The following KHDRBS3 variants were observed in gnomAD, a reference collection of about 807,000 sequenced individuals.
KHDRBS3 encodes KH domain-containing, RNA-binding, signal transduction-associated protein 3.
KHDRBS3 carries 23 observed loss-of-function variants against 45.6 expected under a neutral mutation model. That is an observed-to-expected ratio of 0.50 (90% CI 0.36 to 0.72). The LOEUF (loss-of-function observed/expected upper bound fraction) is 0.72. KHDRBS3 is among the 30% of genes least tolerant of loss of function. The pLI, the probability that KHDRBS3 is intolerant of heterozygous loss-of-function variation, is 0.00. For missense variants in KHDRBS3, 352 were observed against 424.8 expected, an observed-to-expected ratio of 0.83 and a Z score of 1.51; for synonymous variants, 162 against 156.5, an observed-to-expected ratio of 1.04 and a Z score of -0.26.
At chr8:135,520,090 C>T (rs1415131647) in intron 1 of KHDRBS3, among the ~76,000 whole-genome samples, 8 of 152,198 alleles carry the variant, frequency 5.3e-5, no homozygotes, top group Non-Finnish European at 1.0e-4. Flanking sequence ...CTTTGAACCT[C>T]CTCTTTGTCA....
chr8:135,595,603 C>G (rs1828938311), intron 6 of KHDRBS3, among the ~76,000 whole-genome samples: 1 of 152,112 alleles, frequency 6.6e-6, no homozygotes, highest in Non-Finnish European at 1.5e-5. Flanking sequence ...TAACATTTTC[C>G]CTGTATAGAA....
chr8:135,483,377 AT>A (rs913474872), intron 1 of KHDRBS3, among the ~76,000 whole-genome samples: 2 of 152,164 alleles, frequency 1.3e-5, no homozygotes, highest in Non-Finnish European at 2.9e-5. Flanking sequence ...TTCTGCTGCC[AT>A]TAGTGGTTTG....
chr8:135,614,916 G>A (rs1829855699), intron 7 of KHDRBS3, among the ~76,000 whole-genome samples: 2 of 151,840 alleles, frequency 1.3e-5, no homozygotes, highest in Admixed American at 1.3e-4. Context: ...GCATTGGCAA[G>A]TGGGAATTCG....
At chr8:135,553,629 T>G (rs1258885908) in intron 4 of KHDRBS3, among the ~76,000 whole-genome samples, 2 of 152,202 alleles carry the variant, frequency 1.3e-5, no homozygotes, top group African/African-American at 4.8e-5. Flanking sequence ...ATTGGCCTAT[T>G]TTGGCAAATA....
intron 6 of KHDRBS3, among the ~76,000 whole-genome samples, chr8:135,591,738 G>A (rs533726836): frequency 6.6e-6 from 1 of 152,238 alleles, no homozygotes; most frequent in South Asian, 2.1e-4. Flanking sequence ...TTTTATTTAA[G>A]GACTCAGTGA....
chr8:135,545,001 AAACTGTCT>A lies in KHDRBS3; in HGVS notation c.324+2234_324+2241del, dbSNP rs1475238910. The stretch of plus-strand genomic sequence containing the variant: ...GTCAGAATCAGTTCTGTTAATTCTC[AAACTGTCT>A]AAGTGTTTCCTCTGCTCGGTGTAAA... On this transcript the variant is annotated intron_variant, in intron 3 of 8. Transcript: ENST00000355849. Among the ~76,000 whole-genome samples, 4 of 152,104 alleles carry A rather than the reference AAACTGTCT, an allele frequency of 2.6e-5. No individual in the cohort carries two copies. In the South Asian group the frequency reaches 6.2e-4, roughly 24 times the overall value.
Position 135,647,009 on chromosome 8 carries a change from T to C in KHDRBS3, c.966T>C (p.Thr322=). The part of the protein sequence containing the change: ...TYDSYGQEEW[T]NSRHKAPSAR... ...TGATTGTAGGGCAAGAAGAGTGGAC[T>C]AACTCAAGACACAAGGCACCTTCAG... The change falls in exon 9 of 9, where the codon ACT becomes ACC. Residue 322 remains threonine (T), a synonymous_variant. Coordinates refer to ENST00000355849, the MANE Select transcript of KHDRBS3 (RefSeq NM_006558.3). 6.3e-7 allele frequency: 1 copy of C among 1,597,920 alleles called. No homozygotes were observed. The highest frequency in any genetic ancestry group is 8.6e-7 in the Non-Finnish European group (1 of 1,165,258).
chr8:135,623,357 C>T (rs1302646460), intron 7 of KHDRBS3, among the ~76,000 whole-genome samples: 1 of 152,152 alleles, frequency 6.6e-6, no homozygotes, highest in East Asian at 1.9e-4. Context: ...GAATTTGAAT[C>T]CTGACTGTCA....
rs145310467 is a variant in KHDRBS3 at position 135,646,357 on chromosome 8, G to A, written c.950-636G>A. On this transcript the variant is annotated intron_variant, in intron 8 of 8. Coordinates refer to ENST00000355849, the MANE Select transcript of KHDRBS3 (RefSeq NM_006558.3). The stretch of plus-strand genomic sequence containing the variant: ...GGTTATTAATACCTTTGTTCAGTAC[G>A]GATTTAGCATTATGATGAATGAAAT... Among the ~76,000 whole-genome samples, 235 of 152,168 alleles carry A rather than the reference G, an allele frequency of 1.5e-3. 2 individuals carry two copies. Among genetic ancestry groups the A allele is most frequent in the Middle Eastern group, 0.01 (3 of 294 alleles).
chr8:135,651,638 G>T (rs1013099024), downstream of KHDRBS3, among the ~76,000 whole-genome samples: 1 of 152,062 alleles, frequency 6.6e-6, no homozygotes, highest in South Asian at 2.1e-4. Flanking sequence ...CAGATATAGT[G>T]CCTCATTTAG....
At chr8:135,594,996 A>G (rs936535978) in intron 6 of KHDRBS3, among the ~76,000 whole-genome samples, 22 of 152,254 alleles carry the variant, frequency 1.4e-4, no homozygotes, top group Admixed American at 5.9e-4. Flanking sequence ...TGAACAAATT[A>G]TAGTATAATC....
At chr8:135,538,768 T>C (rs1049947667) in intron 2 of KHDRBS3, 4 of 152,194 alleles carry the variant, frequency 2.6e-5, no homozygotes, top group Non-Finnish European at 4.4e-5. Context: ...GGAGGTGTTA[T>C]GGGACTAATG....
chr8:135,565,500 G>A (rs1240936696), intron 5 of KHDRBS3, among the ~76,000 whole-genome samples: 1 of 152,106 alleles, frequency 6.6e-6, no homozygotes, highest in East Asian at 1.9e-4. Flanking sequence ...GACTGTTTAA[G>A]CAGATAGCTT....
chr8:135,469,349 A>T (rs1322591928), intron 1 of KHDRBS3, among the ~76,000 whole-genome samples: 1 of 150,626 alleles, frequency 6.6e-6, no homozygotes, highest in Non-Finnish European at 1.5e-5. Context: ...CAGTGGCGCG[A>T]TCTCGGCTCA....
At chr8:135,620,743 AC>A (rs1830103215) in intron 7 of KHDRBS3, among the ~76,000 whole-genome samples, 1 of 152,074 alleles carries the variant, frequency 6.6e-6, no homozygotes, top group Non-Finnish European at 1.5e-5. Flanking sequence ...CCATCCAACA[AC>A]CCTCGGTGAT....
At chr8:135,552,192 C>T (rs1826637669) in intron 4 of KHDRBS3, among the ~76,000 whole-genome samples, 1 of 152,044 alleles carries the variant, frequency 6.6e-6, no homozygotes, top group South Asian at 2.1e-4. Flanking sequence ...GGAAAGTTTT[C>T]AGCTATTTAA....
At chr8:135,599,848 C>T (rs1165117203) in intron 6 of KHDRBS3, among the ~76,000 whole-genome samples, 2 of 152,220 alleles carry the variant, frequency 1.3e-5, no homozygotes, top group Non-Finnish European at 2.9e-5. Context: ...GGAGGAATTG[C>T]GGGTGAAATG....
chr8:135,597,142 G>A (rs1829006702), intron 6 of KHDRBS3, among the ~76,000 whole-genome samples: 1 of 152,140 alleles, frequency 6.6e-6, no homozygotes, highest in South Asian at 2.1e-4. Flanking sequence ...AGATTAAGTG[G>A]TCAAGACTTG....
At chr8:135,461,254 G>A (rs762048847) in intron 1 of KHDRBS3, among the ~76,000 whole-genome samples, 2 of 152,080 alleles carry the variant, frequency 1.3e-5, no homozygotes, top group African/African-American at 2.4e-5. Flanking sequence ...GCAGGTGTGC[G>A]CCACCATGCC....
Sources: gnomAD v4.1 joint callset for allele counts (sites outside exome capture counted in the v4.1 genomes callset) on GRCh38, gnomAD v4.1.1 for gene constraint, MANE v1.5 for transcripts, NCBI Gene and HGNC (gene_info 2026-07-23, HGNC 2026-07-21) for gene names.